Variants in CTNNA2 observed in about 807,000 individuals in gnomAD.
CTNNA2 encodes catenin alpha-2.
A neutral mutation model predicts 101.0 loss-of-function variants in CTNNA2; 42 were observed. The observed-to-expected ratio is 0.42, with a 90% confidence interval of 0.32 to 0.54. The LOEUF (loss-of-function observed/expected upper bound fraction) is 0.54, where lower values mean the gene tolerates loss of function less well. Among genes scored for constraint, CTNNA2 ranks in the 20% least tolerant of loss-of-function variants. The pLI is 0.14. For missense variants in CTNNA2, 871 were observed against 1,223.1 expected (o/e 0.71, Z 4.29); for synonymous variants, 450 against 456.4 (o/e 0.99, Z 0.18).
chr2:79,941,817 C>T (rs1028094562), intron 7 of CTNNA2, among the ~76,000 whole-genome samples: 2 of 151,986 alleles, frequency 1.3e-5, no homozygotes, highest in Non-Finnish European at 2.9e-5. Flanking sequence ...TGGGGTGTCA[C>T]CATGTTGGCC....
At chr2:79,991,689 T>G (rs898413344) in intron 7 of CTNNA2, among the ~76,000 whole-genome samples, 2 of 152,170 alleles carry the variant, frequency 1.3e-5, no homozygotes, top group Non-Finnish European at 2.9e-5. Flanking sequence ...AAAGACTAAA[T>G]CTAGAATAAA....
At chr2:79,411,774 C>A (rs985915893) in intron 4 of CTNNA2, among the ~76,000 whole-genome samples, 26 of 152,092 alleles carry the variant, frequency 1.7e-4, no homozygotes, top group Admixed American at 3.3e-4. Flanking sequence ...ACAACCAGTT[C>A]CAGCTGCTGC....
chr2:80,414,516 A>G (rs1414323521), intron 8 of CTNNA2, among the ~76,000 whole-genome samples: 1 of 152,084 alleles, frequency 6.6e-6, no homozygotes, highest in Non-Finnish European at 1.5e-5. Context: ...AGAATTCCTC[A>G]TGTTATGAAT....
intron 4 of CTNNA2, among the ~76,000 whole-genome samples, chr2:79,376,769 A>G (rs1677981087): frequency 6.6e-6 from 1 of 151,984 alleles, no homozygotes; most frequent in Non-Finnish European, 1.5e-5. Flanking sequence ...GTTTGCTGAG[A>G]ATGATGGTTT....
chr2:80,287,639 A>G (rs1230241394), intron 7 of CTNNA2, among the ~76,000 whole-genome samples: 1 of 152,172 alleles, frequency 6.6e-6, no homozygotes, highest in Non-Finnish European at 1.5e-5. Context: ...AACACCTTGA[A>G]AGTCGAATTT....
In CTNNA2 at chr2:79,305,768, G is replaced by A. The variant is rs181309298; in HGVS notation, c.-405-6941G>A. On this transcript the variant is annotated intron_variant, in intron 2 of 21. Coordinates refer to the CTNNA2 transcript ENST00000466387. ...GCCTTAAGAAACAAGGCACTTGGCC[G>A]GGTGCGGTGGATTATGCCTGTAATC... 2.1e-3 allele frequency among the ~76,000 whole-genome samples: 322 copies of A among 152,172 alleles called. 3 individuals are homozygous for A. The highest frequency in any genetic ancestry group is 6.9e-3 in the African/African-American group (286 of 41,528).
intron 17 of CTNNA2, among the ~76,000 whole-genome samples, chr2:80,617,861 A>G (rs1698984302): frequency 6.6e-6 from 1 of 151,908 alleles, no homozygotes; most frequent in Non-Finnish European, 1.5e-5. Flanking sequence ...CTGTATATAG[A>G]AACAGGCTTT....
rs114601936 is a variant in CTNNA2 at position 79,736,683 on chromosome 2, C to A, written c.103-7704C>A. Among the ~76,000 whole-genome samples the A allele has an allele frequency of 3.6e-3, 554 of 152,142 alleles. 3 individuals are homozygous for A. The highest frequency in any genetic ancestry group is 5.6e-3 in the Non-Finnish European group (383 of 67,984). On this transcript the variant is annotated intron_variant, in intron 2 of 18. Transcript: ENST00000402739. The stretch of plus-strand genomic sequence containing the variant: ...TTTTTACTTGTTTTAAATTTTAATT[C>A]TTTTAGGTTGTGGCAGCAATTGAAG...
At chr2:79,948,512 G>A (rs1016624017) in intron 7 of CTNNA2, among the ~76,000 whole-genome samples, 2 of 152,232 alleles carry the variant, frequency 1.3e-5, no homozygotes, top group African/African-American at 4.8e-5. Context: ...GCTGCAAACA[G>A]TGCATGGCGC....
chr2:79,185,808 C>T (rs1342111278), intron 1 of CTNNA2, among the ~76,000 whole-genome samples: 1 of 151,850 alleles, frequency 6.6e-6, no homozygotes, highest in Non-Finnish European at 1.5e-5. Flanking sequence ...TTTTGAGTTT[C>T]TTTTTTCTGA....
chr2:79,498,739 G>C (rs1671285906), intron 4 of CTNNA2, among the ~76,000 whole-genome samples: 1 of 152,166 alleles, frequency 6.6e-6, no homozygotes, highest in Admixed American at 6.6e-5. Flanking sequence ...GGTCTGAAGA[G>C]TAGGCTCACG....
At chr2:79,396,845 G>C (rs1308643668) in intron 4 of CTNNA2, among the ~76,000 whole-genome samples, 1 of 152,138 alleles carries the variant, frequency 6.6e-6, no homozygotes, top group Non-Finnish European at 1.5e-5. Context: ...TTCCTAATCA[G>C]CATGTTGCTC....
At chr2:80,036,684 A>T (rs1320915319) in intron 7 of CTNNA2, among the ~76,000 whole-genome samples, 1 of 152,184 alleles carries the variant, frequency 6.6e-6, no homozygotes, top group Non-Finnish European at 1.5e-5. Context: ...CTATGTTGAC[A>T]GCAGGGAGCT....
At chr2:79,274,115 G>A (rs576295692) in intron 2 of CTNNA2, among the ~76,000 whole-genome samples, 2 of 152,074 alleles carry the variant, frequency 1.3e-5, no homozygotes, top group African/African-American at 4.8e-5. Context: ...ATGCTGCTAT[G>A]AATTTCTTAT....
intron 7 of CTNNA2, among the ~76,000 whole-genome samples, chr2:79,999,312 C>T (rs1466693332): frequency 2.0e-5 from 3 of 152,204 alleles, no homozygotes; most frequent in Non-Finnish European, 4.4e-5. Flanking sequence ...ATCTGCAAGC[C>T]GCCTTCTTCA....
chr2:80,452,300 A>G (rs1683585126), intron 9 of CTNNA2, among the ~76,000 whole-genome samples: 1 of 151,546 alleles, frequency 6.6e-6, no homozygotes, highest in African/African-American at 2.4e-5. Flanking sequence ...TATTCAATCA[A>G]CAAATATTCT....
chr2:80,100,051 T>A (rs897894333), intron 7 of CTNNA2, among the ~76,000 whole-genome samples: 39 of 152,066 alleles, frequency 2.6e-4, no homozygotes, highest in Admixed American at 3.3e-4. Flanking sequence ...TGCCCCAGCC[T>A]CCCAAGTAGC....
intron 9 of CTNNA2, among the ~76,000 whole-genome samples, chr2:80,477,606 G>A (rs930412067): frequency 6.6e-6 from 1 of 151,904 alleles, no homozygotes; most frequent in Non-Finnish European, 1.5e-5. Context: ...AGAACATGTG[G>A]TATTTGATTT....
intron 9 of CTNNA2, among the ~76,000 whole-genome samples, chr2:80,482,440 G>A (rs1237690717): frequency 6.6e-6 from 1 of 152,156 alleles, no homozygotes; most frequent in Non-Finnish European, 1.5e-5. Flanking sequence ...CATTTTAGGC[G>A]TTATGAGACG....
Sources: gnomAD v4.1 joint callset for allele counts (sites outside exome capture counted in the v4.1 genomes callset) on GRCh38, gnomAD v4.1.1 for gene constraint, MANE v1.5 for transcripts, NCBI Gene and HGNC (gene_info 2026-07-23, HGNC 2026-07-21) for gene names.